TMEM114: variants seen among roughly 807,000 people sequenced by gnomAD.
TMEM114 encodes claudin-26.
A neutral mutation model predicts 6.2 loss-of-function variants in TMEM114; 6 were observed. The ratio of observed to expected loss-of-function variants is 0.97; its 90% CI spans 0.53 to 1.91. TMEM114 has a LOEUF of 1.91. Among genes scored for constraint, TMEM114 ranks in the 40% most tolerant of loss-of-function variants. The probability of loss-of-function intolerance (pLI) is 0.01; values close to 1 mark genes in which losing one functional copy is unlikely to be tolerated. For synonymous variants in TMEM114, 104 were observed against 73.0 expected, an observed-to-expected ratio of 1.42 and a Z score of -2.16; for missense variants, 218 against 158.3, an observed-to-expected ratio of 1.38 and a Z score of -2.02.
At chr16:8,578,117 G>C (rs746569419) in intron 2 of TMEM114, among the ~76,000 whole-genome samples, 2 of 152,154 alleles carry the variant, frequency 1.3e-5, no homozygotes, top group Non-Finnish European at 2.9e-5. Flanking sequence ...TGAGGATGCA[G>C]AAAAATAGGT....
At chr16:8,550,662 G>C (rs926343172) in intron 2 of TMEM114, among the ~76,000 whole-genome samples, 6 of 142,946 alleles carry the variant, frequency 4.2e-5, no homozygotes, top group African/African-American at 1.3e-4. Flanking sequence ...TGAGCAACAA[G>C]AGCAAAACTT....
At position 8,569,793 on chromosome 16, in the gene TMEM114, T is replaced by C. The variant is rs1265103487; in HGVS notation, c.652A>G (p.Arg218Gly). The C allele has an allele frequency of 5.2e-6, 8 of 1,550,526 alleles. No homozygotes were observed. Among genetic ancestry groups the C allele is most frequent in the Non-Finnish European group, 5.2e-6 (6 of 1,146,826 alleles). Residue 218 changes from arginine to glycine, a missense_variant, in exon 4 of 4, where the codon AGG becomes GGG. Arg to Gly is a moderately radical substitution (Grantham distance 125). Transcript: ENST00000620492. ...CAGGCTCATATGGCCTGGTCCTGCC[T>C]CCGTCTCAGGCTGAGCTCGCGGGCT... ...AAARELSLRRRQDQAI is the reference protein window; with the variant it reads ...AAARELSLRRGQDQAI
intron 2 of TMEM114, among the ~76,000 whole-genome samples, chr16:8,582,085 C>G (rs1172582650): frequency 6.6e-6 from 1 of 152,186 alleles, no homozygotes; most frequent in Non-Finnish European, 1.5e-5. Flanking sequence ...GCCCAGCACC[C>G]AGAAAAACTG....
chr16:8,534,866 T>C (rs1362810472), downstream of TMEM114, among the ~76,000 whole-genome samples: 3 of 152,256 alleles, frequency 2.0e-5, no homozygotes, highest in Non-Finnish European at 2.9e-5. Flanking sequence ...GAATTATTAC[T>C]GTGTCTTCCC....
intron 2 of TMEM114, among the ~76,000 whole-genome samples, chr16:8,588,973 T>C (rs1171151899): frequency 6.6e-6 from 1 of 152,098 alleles, no homozygotes; most frequent in Admixed American, 6.6e-5. Context: ...ATCAAAACGG[T>C]GCAAAGAAAG....
At chr16:8,577,825 G>A (rs1284930984) in intron 2 of TMEM114, among the ~76,000 whole-genome samples, 1 of 152,108 alleles carries the variant, frequency 6.6e-6, no homozygotes, top group Non-Finnish European at 1.5e-5. Flanking sequence ...GACCTCAAGT[G>A]ATCCACCCAC....
intron 2 of TMEM114, among the ~76,000 whole-genome samples, chr16:8,573,653 C>G (rs535874267): frequency 6.6e-5 from 10 of 152,258 alleles, no homozygotes; most frequent in Admixed American, 4.6e-4. Flanking sequence ...ATCTTTAAAT[C>G]CTTTTGGCAA....
downstream of TMEM114, among the ~76,000 whole-genome samples, chr16:8,535,007 C>T (rs543048929): frequency 6.6e-5 from 10 of 152,300 alleles, no homozygotes; most frequent in East Asian, 9.6e-4. Context: ...TTTCTCCTAA[C>T]GTCAAGACTC....
downstream of TMEM114, among the ~76,000 whole-genome samples, chr16:8,566,007 TC>T (rs1168028722): frequency 6.6e-6 from 1 of 151,846 alleles, no homozygotes; most frequent in Non-Finnish European, 1.5e-5. Context: ...ACAGAACAGA[TC>T]AGAACAAAAT....
downstream of TMEM114, among the ~76,000 whole-genome samples, chr16:8,536,462 T>A (rs1401359114): frequency 1.3e-5 from 2 of 152,146 alleles, no homozygotes; most frequent in African/African-American, 2.4e-5. Context: ...GCTTGTAACC[T>A]CGGTATCTCA....
At chr16:8,562,193 T>G (rs1336634064) in intron 2 of TMEM114, among the ~76,000 whole-genome samples, 2 of 150,848 alleles carry the variant, frequency 1.3e-5, no homozygotes, top group South Asian at 4.2e-4. Flanking sequence ...AGTGAGTGAG[T>G]GAATGAGTCA....
At chr16:8,536,612 C>T (rs551238988), downstream of TMEM114, among the ~76,000 whole-genome samples, 1 of 152,322 alleles carries the variant, frequency 6.6e-6, no homozygotes, top group South Asian at 2.1e-4. Context: ...GCCATTCTTG[C>T]ACCCTTAAGT....
At chr16:8,564,813 ATGAGTGAG>A (rs147787323), downstream of TMEM114, among the ~76,000 whole-genome samples, 1 of 138,632 alleles carries the variant, frequency 7.2e-6, no homozygotes, top group Admixed American at 7.1e-5. Flanking sequence ...GAGTGAGTGA[ATGAGTGAG>A]TGAGTGATGG....
chr16:8,547,085 G>C (rs1044584160), intron 2 of TMEM114, among the ~76,000 whole-genome samples: 1 of 152,190 alleles, frequency 6.6e-6, no homozygotes, highest in Non-Finnish European at 1.5e-5. Context: ...AGTGTCCTCA[G>C]GCTCTTTTCC....
chr16:8,539,537 C>G (rs1003002588), intron 2 of TMEM114, among the ~76,000 whole-genome samples: 1 of 152,154 alleles, frequency 6.6e-6, no homozygotes, highest in Non-Finnish European at 1.5e-5. Flanking sequence ...CTTCCATCCT[C>G]CCACGCTCCA....
chr16:8,545,755 A>T (rs897405877), intron 2 of TMEM114, among the ~76,000 whole-genome samples: 3 of 152,142 alleles, frequency 2.0e-5, no homozygotes, highest in South Asian at 2.1e-4. Flanking sequence ...TTACCATTTC[A>T]TTTATGGTTT....
At chr16:8,556,431 T>A (rs747392012) in intron 2 of TMEM114, among the ~76,000 whole-genome samples, 2 of 152,176 alleles carry the variant, frequency 1.3e-5, no homozygotes, top group African/African-American at 2.4e-5. Flanking sequence ...AACTAGATGG[T>A]GGCAATGGTT....
At chr16:8,567,057 C>A (rs1329123386), downstream of TMEM114, among the ~76,000 whole-genome samples, 4 of 122,598 alleles carry the variant, frequency 3.3e-5, no homozygotes, top group African/African-American at 1.3e-4. Flanking sequence ...CGTGTTACCA[C>A]AGCTGGCTAT....
chr16:8,536,542 T>A (rs1041820560), downstream of TMEM114, among the ~76,000 whole-genome samples: 7 of 152,320 alleles, frequency 4.6e-5, no homozygotes, highest in African/African-American at 1.4e-4. Context: ...GCTCAAGTAA[T>A]GAAGTCTTCA....
Sources: allele counts gnomAD v4.1 joint callset (sites outside exome capture counted in the v4.1 genomes callset), GRCh38; gene constraint gnomAD v4.1.1; transcripts MANE v1.5; gene names NCBI Gene and HGNC (gene_info 2026-07-23, HGNC 2026-07-21).